NEDD4L: variants seen among roughly 807,000 people sequenced by gnomAD.
The protein encoded by NEDD4L is NEDD4 like E3 ubiquitin protein ligase.
Under a neutral mutation model 148.9 loss-of-function variants are expected in NEDD4L, and 54 were observed. The ratio of observed to expected loss-of-function variants is 0.36; its 90% CI spans 0.29 to 0.45. The LOEUF (loss-of-function observed/expected upper bound fraction) is 0.45. Among genes scored for constraint, NEDD4L ranks in the 20% least tolerant of loss-of-function variants. The pLI is 1.00. For missense variants in NEDD4L, 856 were observed against 1,233.8 expected (o/e 0.69, Z 4.59); for synonymous variants, 433 against 440.7 (o/e 0.98, Z 0.22).
At chr18:58,049,393 A>G (rs1451265102) in intron 1 of NEDD4L, among the ~76,000 whole-genome samples, 1 of 152,234 alleles carries the variant, frequency 6.6e-6, no homozygotes, top group Admixed American at 6.5e-5. Context: ...CCTATGTGCC[A>G]TCTTTGCAGC....
intron 2 of NEDD4L, among the ~76,000 whole-genome samples, chr18:58,236,012 G>A (rs1282246155): frequency 2.6e-5 from 4 of 151,810 alleles, no homozygotes; most frequent in Non-Finnish European, 5.9e-5. Flanking sequence ...CAGCCTGGGC[G>A]AGAGAGTGAG....
At chr18:58,333,979 G>A (rs1194875301) in intron 12 of NEDD4L, 87 bp downstream of exon 12, 1 of 814,138 alleles carries the variant, frequency 1.2e-6, no homozygotes, top group Admixed American at 2.8e-5. Context: ...AGTTTTTCCT[G>A]TGTAAATTTA....
At chr18:58,263,093 G>A (rs1456698465) in intron 5 of NEDD4L, among the ~76,000 whole-genome samples, 1 of 152,108 alleles carries the variant, frequency 6.6e-6, no homozygotes, top group East Asian at 1.9e-4. Flanking sequence ...CTGGAAGGGG[G>A]CCCTCCTATC....
chr18:58,248,835 A>G (rs1030798378), intron 3 of NEDD4L, 64 bp from the exon 4 acceptor site: 4 of 823,532 alleles, frequency 4.9e-6, no homozygotes, highest in African/African-American at 3.4e-5. Context: ...TGTAGACTGT[A>G]TTGTACTAGT....
rs146823138 is a variant in NEDD4L, at chr18:58,067,969, T to C, written c.48+23261T>C. Among the ~76,000 whole-genome samples the C allele has an allele frequency of 1.4e-4, 22 of 152,236 alleles. No individual in the cohort carries two copies. The East Asian group carries it at 4.1e-3, about 28-fold the overall frequency. ...GGGAGAAGGGGTACAGATTTTTTTG[T>C]TTGCTTTTGAGATAAGGTCTCCCTC... is the stretch of plus-strand genomic sequence containing the variant. On this transcript the variant is annotated intron_variant, in intron 1 of 30. Transcript: ENST00000400345.
intron 5 of NEDD4L, among the ~76,000 whole-genome samples, chr18:58,265,819 C>T (rs1182062474): frequency 6.6e-6 from 1 of 152,082 alleles, no homozygotes; most frequent in Non-Finnish European, 1.5e-5. Context: ...CTGCCTTGGC[C>T]TCCCAAAGTG....
At chr18:58,373,668 A>G (rs2047184075) in intron 24 of NEDD4L, among the ~76,000 whole-genome samples, 2 of 152,152 alleles carry the variant, frequency 1.3e-5, no homozygotes, top group Non-Finnish European at 2.9e-5. Context: ...TCTCTGTTTT[A>G]TGGTTCTGTT....
At chr18:58,081,364 T>C (rs1373368716) in intron 1 of NEDD4L, among the ~76,000 whole-genome samples, 2 of 151,802 alleles carry the variant, frequency 1.3e-5, no homozygotes, top group Non-Finnish European at 2.9e-5. Flanking sequence ...TACAGGTGCC[T>C]ACCACCGCGC....
chr18:58,194,026 G>A (rs1427521330), intron 2 of NEDD4L: 1 of 152,298 alleles, frequency 6.6e-6, no homozygotes, highest in East Asian at 1.9e-4. Flanking sequence ...ATCACGCGAG[G>A]TGGGTAGGGA....
At chr18:58,149,945 G>A (rs1247652101) in intron 1 of NEDD4L, among the ~76,000 whole-genome samples, 1 of 152,198 alleles carries the variant, frequency 6.6e-6, no homozygotes, top group Non-Finnish European at 1.5e-5. Context: ...ACACTCTGCT[G>A]TGGATGGTAA....
intron 2 of NEDD4L, among the ~76,000 whole-genome samples, chr18:58,179,236 T>A (rs983063617): frequency 2.0e-5 from 3 of 152,252 alleles, no homozygotes; most frequent in African/African-American, 7.2e-5. Flanking sequence ...CAAGCCATCA[T>A]GTTCTTGAAG....
intron 1 of NEDD4L, among the ~76,000 whole-genome samples, chr18:58,117,826 C>T (rs1004384081): frequency 3.3e-5 from 5 of 152,164 alleles, no homozygotes; most frequent in African/African-American, 9.7e-5. Context: ...ACACTACACA[C>T]CTATATACTC....
intron 1 of NEDD4L, among the ~76,000 whole-genome samples, chr18:58,089,816 G>C (rs1296292137): frequency 6.6e-6 from 1 of 150,964 alleles, no homozygotes; most frequent in East Asian, 1.9e-4. Flanking sequence ...TCTTTATTCT[G>C]TGTCTGTGTC....
At chr18:58,376,807 C>G (rs1036361081) in intron 24 of NEDD4L, among the ~76,000 whole-genome samples, 3 of 152,236 alleles carry the variant, frequency 2.0e-5, no homozygotes, top group Non-Finnish European at 4.4e-5. Flanking sequence ...CCTGCGTGGC[C>G]TGGCTCTCCC....
In NEDD4L at chr18:58,124,416, C is replaced by T. The variant is rs148892803; in HGVS notation, c.49-41372C>T. 7.3e-4 allele frequency among the ~76,000 whole-genome samples: 111 copies of T among 152,328 alleles called. No homozygotes were observed. The East Asian group carries it at 0.015, about 20-fold the overall frequency. On this transcript the variant is annotated intron_variant, in intron 1 of 30. Coordinates refer to ENST00000400345, the MANE Select transcript of NEDD4L (RefSeq NM_001144967.3). ...CCTCGATGGCTCCTCCTTGGTCTCC[C>T]TCTGGCTACTCCTCTGCTTCTCCGC...
intron 2 of NEDD4L, among the ~76,000 whole-genome samples, chr18:58,244,949 G>C (rs2047081311): frequency 6.6e-6 from 1 of 152,164 alleles, no homozygotes; most frequent in Admixed American, 6.5e-5. Flanking sequence ...ACCTGCCTCT[G>C]CCTCTGAAAG....
Position 58,341,801 on chromosome 18 carries a change from A to T in NEDD4L, c.1377+4A>T. The T allele has an allele frequency of 6.2e-7, 1 of 1,611,636 alleles. No homozygotes were observed. The highest frequency in any genetic ancestry group is 8.5e-7 in the Non-Finnish European group (1 of 1,178,996). ...AACTTTATCTGCCCCGCTGGAGGTG[A>T]GACGGCTACCTCATCTAACTGGACT... On this transcript the variant is annotated splice_donor_region_variant and intron_variant, in intron 15 of 30. Transcript: ENST00000400345.
chr18:58,144,030 T>C (rs2033839035), intron 1 of NEDD4L, among the ~76,000 whole-genome samples: 1 of 152,076 alleles, frequency 6.6e-6, no homozygotes, highest in African/African-American at 2.4e-5. Context: ...CTTAGATCTC[T>C]TGTTTTTGTT....
chr18:58,386,667 A>G (rs17235782), intron 26 of NEDD4L, among the ~76,000 whole-genome samples: 68,569 of 152,084 alleles, frequency 0.45, 16,660 homozygotes, highest in East Asian at 0.6. Context: ...CAAAGATCAC[A>G]CAGGAAACAG....
Sources: gnomAD v4.1 joint callset for allele counts (sites outside exome capture counted in the v4.1 genomes callset) on GRCh38, gnomAD v4.1.1 for gene constraint, MANE v1.5 for transcripts, NCBI Gene and HGNC (gene_info 2026-07-23, HGNC 2026-07-21) for gene names.